Variants in UTP6 observed in about 807,000 individuals in gnomAD.
UTP6 encodes UTP6 small subunit processome component.
In UTP6, 60 loss-of-function variants were observed where a neutral mutation model predicts 96.5. That is an observed-to-expected ratio of 0.62 (90% CI 0.51 to 0.77). The LOEUF is 0.77. UTP6 is among the 30% of genes least tolerant of loss of function. The pLI, the probability that UTP6 is intolerant of heterozygous loss-of-function variation, is 0.00. For missense variants in UTP6, 637 were observed against 706.5 expected, an observed-to-expected ratio of 0.90 and a Z score of 1.12; for synonymous variants, 215 against 240.1, an observed-to-expected ratio of 0.90 and a Z score of 0.96.
At chr17:31,869,927 T>C (rs371247667) in intron 16 of UTP6, among the ~76,000 whole-genome samples, 323 of 152,304 alleles carry the variant, frequency 2.1e-3, no homozygotes, top group African/African-American at 7.4e-3. Flanking sequence ...CATGTGGTAT[T>C]TGGTTTTCTG....
At chr17:31,863,551 CAG>C (rs761552893) in intron 18 of UTP6, 35 bp from the exon 19 acceptor site, 181 of 1,564,448 alleles carry the variant, frequency 1.2e-4, no homozygotes, top group Non-Finnish European at 1.5e-4. Flanking sequence ...AGATAACTGA[CAG>C]AGTGTTATTA....
At chr17:31,867,308 G>C (rs1909882456) in intron 17 of UTP6, among the ~76,000 whole-genome samples, 1 of 151,900 alleles carries the variant, frequency 6.6e-6, no homozygotes, top group Non-Finnish European at 1.5e-5. Context: ...AGGAGTTTGA[G>C]ACCAGGCTGG....
At chr17:31,895,565 CCTCT>C (rs1489896770) in intron 2 of UTP6, among the ~76,000 whole-genome samples, 3 of 151,936 alleles carry the variant, frequency 2.0e-5, no homozygotes, top group African/African-American at 7.3e-5. Flanking sequence ...ACGGGGTCTC[CCTCT>C]GTCGCCCAGG....
intron 14 of UTP6, 157 bp from the exon 15 acceptor site, chr17:31,873,910 T>C: frequency 1.4e-6 from 1 of 722,540 alleles, no homozygotes; most frequent in Non-Finnish European, 2.1e-6. Context: ...GGCAGGTTCC[T>C]CCTAAGATAA....
intron 4 of UTP6, among the ~76,000 whole-genome samples, chr17:31,894,151 C>G (rs1904497433): frequency 6.6e-6 from 1 of 151,508 alleles, no homozygotes; most frequent in African/African-American, 2.4e-5. Context: ...CGCCTGTGAT[C>G]CCAGCTACTG....
intron 17 of UTP6, among the ~76,000 whole-genome samples, chr17:31,867,686 G>C (rs550084304): frequency 5.9e-4 from 89 of 152,064 alleles, no homozygotes; most frequent in African/African-American, 2.1e-3. Flanking sequence ...GGCCAGGCAC[G>C]GTGGCTCACG....
At chr17:31,873,982 C>T in intron 14 of UTP6, 1 of 471,592 alleles carries the variant, frequency 2.1e-6, no homozygotes, top group African/African-American at 2.0e-5. Context: ...TTCTCATTGC[C>T]CAGCAGGAAT....
rs77151613 is a variant in UTP6, at chr17:31,886,099, T to C, written c.622-38A>G. The C allele has an allele frequency of 7.6e-5, 119 of 1,573,974 alleles. No homozygotes were observed. In the African/African-American group the frequency reaches 1.5e-3, roughly 20 times the overall value. Reference sequence around the variant, plus strand: ...ATATCAAACGTAACTTAACAGGTAGTACAAGGAGGAAAAGCACTAGGACGA... The same window carrying C: ...ATATCAAACGTAACTTAACAGGTAGCACAAGGAGGAAAAGCACTAGGACGA... On this transcript the variant is annotated intron_variant, in intron 8 of 18. Transcript: ENST00000261708.
intron 13 of UTP6, among the ~76,000 whole-genome samples, chr17:31,877,468 A>G (rs1910560164): frequency 6.6e-6 from 1 of 152,158 alleles, no homozygotes; most frequent in Non-Finnish European, 1.5e-5. Context: ...ACGGTTTGAT[A>G]TGTTTCTTCC....
At chr17:31,882,828 C>G (rs1910920849) in intron 10 of UTP6, among the ~76,000 whole-genome samples, 1 of 151,936 alleles carries the variant, frequency 6.6e-6, no homozygotes, top group Non-Finnish European at 1.5e-5. Context: ...CTCTGTCACC[C>G]AGGCTGGGGT....
intron 16 of UTP6, among the ~76,000 whole-genome samples, chr17:31,872,186 C>A (rs1386784655): frequency 6.6e-6 from 1 of 151,032 alleles, no homozygotes; most frequent in Non-Finnish European, 1.5e-5. Context: ...CACAGTGAGA[C>A]TCCATCTCAA....
At chr17:31,891,893 G>GAGTA (rs1904341075) in intron 6 of UTP6, among the ~76,000 whole-genome samples, 1 of 152,098 alleles carries the variant, frequency 6.6e-6, no homozygotes, top group South Asian at 2.1e-4. Flanking sequence ...CGTGGTGGCG[G>GAGTA]GCACCTGTAA....
At position 31,880,650 on chromosome 17, in the gene UTP6, G is replaced by A. The variant is rs1261722034; in HGVS notation, c.890C>T (p.Ala297Val). 1.2e-6 allele frequency: 2 copies of A among 1,614,068 alleles called. No homozygotes were observed. The highest frequency in any genetic ancestry group is 1.7e-6 in the Non-Finnish European group (2 of 1,180,000). Reference sequence around the variant, plus strand: ...CTTCCGGCCGACCTCCACTGCTTTGGCTTGTTTCGTTGTAGGCTGCTCTTC... The same window carrying A: ...CTTCCGGCCGACCTCCACTGCTTTGACTTGTTTCGTTGTAGGCTGCTCTTC... ...QTEEQPTTKQ[A>V]KAVEVGRKEE... Residue 297 changes from alanine to valine, a missense_variant, in exon 11 of 19, where the codon GCC (alanine) becomes GTC (valine). By Grantham distance (64) the Ala-to-Val change is moderately conservative. Transcript: ENST00000261708.
intron 2 of UTP6, among the ~76,000 whole-genome samples, chr17:31,895,819 C>T (rs1904602608): frequency 1.3e-5 from 2 of 151,850 alleles, no homozygotes; most frequent in African/African-American, 4.8e-5. Context: ...TAGGCATGAG[C>T]CACCGTGCCC....
intron 9 of UTP6, among the ~76,000 whole-genome samples, chr17:31,885,718 G>A (rs949534088): frequency 1.3e-5 from 2 of 152,000 alleles, no homozygotes; most frequent in African/African-American, 4.8e-5. Context: ...AACCCAGGAA[G>A]CAGAGGTTGT....
chr17:31,884,401 A>C (rs1911027118), intron 10 of UTP6, 23 bp downstream of exon 10: 1 of 1,562,016 alleles, frequency 6.4e-7, no homozygotes, highest in Non-Finnish European at 8.8e-7. Flanking sequence ...AGATATATTC[A>C]CCTTTCTACT....
chr17:31,886,137 C>G, intron 8 of UTP6, 76 bp from the exon 9 acceptor site: 1 of 1,241,942 alleles, frequency 8.1e-7, no homozygotes, highest in Non-Finnish European at 1.2e-6. Flanking sequence ...ATTAACAATC[C>G]TAGACTACCT....
chr17:31,873,324 G>A, intron 16 of UTP6, 54 bp downstream of exon 16: 2 of 1,524,860 alleles, frequency 1.3e-6, no homozygotes, highest in Non-Finnish European at 1.8e-6. Context: ...CTGGGTATGA[G>A]CGGCTGAGCA....
Position 31,901,653 on chromosome 17 carries a change from G to T in UTP6, c.-26C>A. ...GAGGTCCGAGGTCTACAACCCCGCG[G>T]GTAGCTTCTCAACAGCGAACACGAG... On this transcript the variant is annotated 5_prime_UTR_variant, in exon 1 of 19. Coordinates refer to ENST00000261708, the MANE Select transcript of UTP6 (RefSeq NM_018428.3). The T allele has an allele frequency of 7.5e-6, 12 of 1,609,858 alleles. No individual in the cohort carries two copies. Among genetic ancestry groups the T allele is most frequent in the Non-Finnish European group, 9.3e-6 (11 of 1,178,226 alleles).
Sources: allele counts gnomAD v4.1 joint callset (sites outside exome capture counted in the v4.1 genomes callset), GRCh38; gene constraint gnomAD v4.1.1; transcripts MANE v1.5; gene names NCBI Gene and HGNC (gene_info 2026-07-23, HGNC 2026-07-21).